Variants in RASSF6 observed in about 807,000 individuals in gnomAD.
RASSF6 encodes the protein ras association domain-containing protein 6.
A neutral mutation model predicts 44.0 loss-of-function variants in RASSF6; 52 were observed. That is an observed-to-expected ratio of 1.18 (90% CI 0.95 to 1.49). The LOEUF is 1.49. Ranked by LOEUF, RASSF6 falls within the 40% of genes most tolerant of loss-of-function variation. The pLI is 0.00. For synonymous variants in RASSF6, 162 were observed against 124.6 expected (o/e 1.30, Z -2.00); for missense variants, 464 against 393.3 (o/e 1.18, Z -1.52).
intron 1 of RASSF6, among the ~76,000 whole-genome samples, chr4:73,617,928 C>G (rs190613377): frequency 6.6e-6 from 1 of 152,010 alleles, no homozygotes; most frequent in Non-Finnish European, 1.5e-5. Context: ...CTCTAGTAAC[C>G]GTGAATTCCC....
At position 73,575,981 on chromosome 4, in the gene RASSF6, A is replaced by C. The variant is rs1339766101; in HGVS notation, c.*254T>G. 3.3e-6 allele frequency: 1 copy of C among 303,396 alleles called. No homozygotes were observed. The highest frequency in any genetic ancestry group is 6.0e-6 in the Non-Finnish European group (1 of 165,932). The allele number at this position is 303,396 out of a possible 1,614,324, so 18.8% of individuals were successfully genotyped here. A position where few individuals can be genotyped will look rare whatever the true frequency, so the allele number is the denominator to read the frequency against. ...ATTTGAGTTCATTACATGGTTTACT[A>C]TAAAAGCTATTTGGCATATGCAGTA... On this transcript the variant is annotated 3_prime_UTR_variant, in exon 11 of 11. Transcript: ENST00000307439.
At chr4:73,615,532 C>A (rs1726299486) in intron 1 of RASSF6, among the ~76,000 whole-genome samples, 1 of 152,178 alleles carries the variant, frequency 6.6e-6, no homozygotes, top group Admixed American at 6.5e-5. Context: ...TAAACTACAA[C>A]TTGAGGAGGA....
At chr4:73,587,219 A>C (rs1171311539) in intron 5 of RASSF6, among the ~76,000 whole-genome samples, 1 of 152,098 alleles carries the variant, frequency 6.6e-6, no homozygotes, top group East Asian at 1.9e-4. Context: ...CATCATCACC[A>C]TTATGATTAT....
chr4:73,576,476 A>C lies in RASSF6; in HGVS notation c.872T>G (p.Leu291Arg). The change falls in exon 10 of 11, where the codon CTC (leucine) becomes CGC (arginine). Residue 291 changes from leucine to arginine, a missense_variant. Transcript: ENST00000307439. ...TAATCTTTGAAGAATGGATTCCAAG[A>C]GAGAAAAGTGAAAGTTAATGTACTG... ...VAQYINFHFS[L>R]LESILQRLNE... 1 of 1,583,822 alleles carries C rather than the reference A, an allele frequency of 6.3e-7. No homozygotes were observed. Among genetic ancestry groups the C allele is most frequent in the Non-Finnish European group, 8.6e-7 (1 of 1,163,558 alleles).
chr4:73,605,532 G>GA (rs1725561973), intron 2 of RASSF6, among the ~76,000 whole-genome samples: 1 of 152,210 alleles, frequency 6.6e-6, no homozygotes, highest in African/African-American at 2.4e-5. Flanking sequence ...AAATGATGAA[G>GA]AAAGAATGCT....
chr4:73,585,355 GATAA>G lies in RASSF6; in HGVS notation c.388_391del (p.Ser131IlefsTer6). 6.3e-7 allele frequency: 1 copy of G among 1,586,294 alleles called. No individual in the cohort carries two copies. Among genetic ancestry groups the G allele is most frequent in the Non-Finnish European group, 8.6e-7 (1 of 1,168,698 alleles). On this transcript the variant is annotated frameshift_variant, in exon 6 of 11. Coordinates refer to ENST00000307439, the MANE Select transcript of RASSF6 (RefSeq NM_177532.5). LOFTEE classifies it high-confidence loss of function. ...TGGCTTCAGGGTGTTGCTGTGATAA[GATAA>G]ATAGTCTGGGAAGAATAGATTATAA...
chr4:73,593,798 G>C (rs1422263191), intron 3 of RASSF6, among the ~76,000 whole-genome samples: 1 of 152,188 alleles, frequency 6.6e-6, no homozygotes, highest in Non-Finnish European at 1.5e-5. Context: ...GCTATACCCA[G>C]CAAAGTGAGT....
chr4:73,617,671 C>T (rs537081453), intron 1 of RASSF6, among the ~76,000 whole-genome samples: 2 of 152,298 alleles, frequency 1.3e-5, no homozygotes, highest in African/African-American at 4.8e-5. Context: ...AAATAGGAGA[C>T]ACTTCATGTT....
chr4:73,609,808 G>A (rs1181552317), intron 2 of RASSF6, among the ~76,000 whole-genome samples: 2 of 152,098 alleles, frequency 1.3e-5, no homozygotes, highest in Admixed American at 1.3e-4. Context: ...TATAATTTCT[G>A]GTGACAGCCT....
At chr4:73,586,210 G>A (rs1384011867) in intron 5 of RASSF6, among the ~76,000 whole-genome samples, 1 of 151,558 alleles carries the variant, frequency 6.6e-6, no homozygotes, top group Non-Finnish European at 1.5e-5. Context: ...GTTCTTTTTA[G>A]AACATTCCAG....
intron 2 of RASSF6, among the ~76,000 whole-genome samples, chr4:73,611,028 C>G (rs1292967652): frequency 6.6e-6 from 1 of 152,120 alleles, no homozygotes; most frequent in East Asian, 1.9e-4. Flanking sequence ...GTTTCCTTCA[C>G]TTTCCTACTG....
intron 2 of RASSF6, among the ~76,000 whole-genome samples, chr4:73,611,005 T>C (rs1725970454): frequency 1.3e-5 from 2 of 152,206 alleles, no homozygotes; most frequent in African/African-American, 2.4e-5. Context: ...TATTTCCATA[T>C]TTGATCATAT....
intron 2 of RASSF6, among the ~76,000 whole-genome samples, chr4:73,600,112 C>T (rs958577742): frequency 1.3e-5 from 2 of 152,030 alleles, no homozygotes; most frequent in African/African-American, 4.8e-5. Context: ...TCACCTTCTC[C>T]CAGCATTTCA....
chr4:73,582,578 A>G (rs565352029), intron 6 of RASSF6, among the ~76,000 whole-genome samples: 1 of 152,266 alleles, frequency 6.6e-6, no homozygotes, highest in Non-Finnish European at 1.5e-5. Flanking sequence ...TTTCAAAATA[A>G]GTAAGAAAGA....
intron 8 of RASSF6, among the ~76,000 whole-genome samples, chr4:73,581,317 T>C (rs907716244): frequency 3.9e-5 from 6 of 152,182 alleles, no homozygotes; most frequent in Non-Finnish European, 7.3e-5. Flanking sequence ...CTTCCCAATG[T>C]TCTGCTTCTA....
At chr4:73,594,089 CAT>C (rs1724764599) in intron 3 of RASSF6, among the ~76,000 whole-genome samples, 1 of 152,060 alleles carries the variant, frequency 6.6e-6, no homozygotes, top group Non-Finnish European at 1.5e-5. Context: ...AAATTCAAAA[CAT>C]AGATATATTT....
chr4:73,617,550 T>A (rs1174696788), intron 1 of RASSF6, among the ~76,000 whole-genome samples: 1 of 152,216 alleles, frequency 6.6e-6, no homozygotes, highest in African/African-American at 2.4e-5. Flanking sequence ...CGACTCATTT[T>A]TCCTGTTTGT....
At chr4:73,583,480 T>A (rs189046744) in intron 6 of RASSF6, among the ~76,000 whole-genome samples, 45 of 152,254 alleles carry the variant, frequency 3.0e-4, no homozygotes, top group African/African-American at 1.0e-3. Flanking sequence ...GCCTTTAATA[T>A]GTGTGTTATT....
intron 2 of RASSF6, among the ~76,000 whole-genome samples, chr4:73,603,014 G>C (rs1269712272): frequency 1.3e-5 from 2 of 152,052 alleles, no homozygotes; most frequent in Non-Finnish European, 2.9e-5. Context: ...CGTGAACCCG[G>C]GAGGCGGAGC....
Sources: gnomAD v4.1 joint callset for allele counts (sites outside exome capture counted in the v4.1 genomes callset) on GRCh38, gnomAD v4.1.1 for gene constraint, MANE v1.5 for transcripts, NCBI Gene and HGNC (gene_info 2026-07-23, HGNC 2026-07-21) for gene names.